ERBB3: variants seen among roughly 807,000 people sequenced by gnomAD.
ERBB3 encodes the protein erb-b2 receptor tyrosine kinase 3.
ERBB3 carries 96 observed loss-of-function variants against 156.7 expected under a neutral mutation model. That is an observed-to-expected ratio of 0.61 (90% CI 0.52 to 0.73). The LOEUF (loss-of-function observed/expected upper bound fraction) is 0.73, where lower values mean the gene tolerates loss of function less well. Ranked by LOEUF, ERBB3 falls within the 30% of genes least tolerant of loss-of-function variation. The pLI, the probability that ERBB3 is intolerant of heterozygous loss-of-function variation, is 0.00. For synonymous variants in ERBB3, 567 were observed against 632.0 expected (o/e 0.90, Z 1.54); for missense variants, 1,406 against 1,709.4 (o/e 0.82, Z 3.13).
At position 56,098,611 on chromosome 12, in the gene ERBB3, G is replaced by A. The variant is rs564333686; in HGVS notation, c.2692+36G>A. ...CTGGATGCCCTCTCTACCATCACTG[G>A]CCCCAGTTTCAAATTTACCTTTTGA... On this transcript the variant is annotated intron_variant, in intron 22 of 27. Transcript: ENST00000267101. 4.4e-6 allele frequency: 7 copies of A among 1,595,634 alleles called. No homozygotes were observed. In the East Asian group the frequency reaches 8.9e-5, roughly 20 times the overall value.
In ERBB3 at chr12:56,094,157, C is replaced by A; in HGVS notation, c.1672C>A (p.Pro558Thr). 6.2e-7 allele frequency: 1 copy of A among 1,614,108 alleles called. No individual in the cohort carries two copies. The highest frequency in any genetic ancestry group is 1.1e-5 in the South Asian group (1 of 91,078). ...ECFSCHPECQ[P>T]MEGTATCNGS... ...CTTCTCCTGCCACCCGGAATGCCAA[C>A]CCATGGAGGGCACTGCCACATGCAA... The change falls in exon 14 of 28, where the codon CCC becomes ACC. Residue 558 changes from proline (P) to threonine (T), a missense_variant. Physicochemically the swap from Pro to Thr is conservative, Grantham distance 38. Transcript: ENST00000267101.
In ERBB3 at chr12:56,101,551, C is replaced by T; in HGVS notation, c.3525C>T (p.Gly1175=). 1 of 1,614,040 alleles carries T rather than the reference C, an allele frequency of 6.2e-7. No individual in the cohort carries two copies. The change falls in exon 28 of 28, where the codon GGC becomes GGT. Residue 1175 remains glycine, a synonymous_variant. Coordinates refer to ENST00000267101, the MANE Select transcript of ERBB3 (RefSeq NM_001982.4). ...CAGGTACTCCCTCCTCCCGGGAAGG[C>T]ACCCTTTCTTCAGTGGGTCTCAGTT... ...HLKGTPSSRE[G]TLSSVGLSSV...
Position 56,085,040 on chromosome 12 carries a change from T to G in ERBB3, c.280T>G (p.Phe94Val), listed in dbSNP as rs769634421. The G allele has an allele frequency of 2.5e-6, 4 of 1,613,992 alleles. No homozygotes were observed. The highest frequency in any genetic ancestry group is 3.4e-6 in the Non-Finnish European group (4 of 1,180,010). The change falls in exon 3 of 28, where the codon TTC becomes GTC. Residue 94 changes from phenylalanine to valine, a missense_variant. Around this residue, in one of 3 missense-constraint regions of ERBB3, gnomAD observed 979 missense variants for 1,219.6 expected, o/e 0.80. Coordinates refer to ENST00000267101, the MANE Select transcript of ERBB3 (RefSeq NM_001982.4). ...TGYVLVAMNE[F>V]STLPLPNLRV... is the part of the protein sequence containing the mutation. ...CTATGTCCTCGTGGCCATGAATGAA[T>G]TCTCTACTCTACCATTGCCCAACCT...
Position 56,102,034 on chromosome 12 carries a change from G to C in ERBB3, c.4008G>C (p.Lys1336Asn). 1 of 1,610,892 alleles carries C rather than the reference G, an allele frequency of 6.2e-7. No individual in the cohort carries two copies. The highest frequency in any genetic ancestry group is 8.5e-7 in the Non-Finnish European group (1 of 1,179,952). ...PDYWHSRLFP[K>N]ANAQRT Reference sequence around the variant, plus strand: ...ACTGGCATAGCAGGCTTTTCCCCAAGGCTAATGCCCAGAGAACGTAACTCC... The same window carrying C: ...ACTGGCATAGCAGGCTTTTCCCCAACGCTAATGCCCAGAGAACGTAACTCC... The change falls in exon 28 of 28, where the codon AAG becomes AAC. Residue 1336 changes from lysine to asparagine, a missense_variant. Transcript: ENST00000267101.
intron 4 of ERBB3, among the ~76,000 whole-genome samples, chr12:56,087,273 T>C (rs1323774890): frequency 6.6e-6 from 1 of 152,216 alleles, no homozygotes; most frequent in Non-Finnish European, 1.5e-5. Flanking sequence ...CATGCATATA[T>C]TCCTGCATAT....
At chr12:56,098,728 C>A (rs1297020828) in intron 22 of ERBB3, 31 bp from the exon 23 acceptor site, 1 of 1,613,620 alleles carries the variant, frequency 6.2e-7, no homozygotes, top group Non-Finnish European at 8.5e-7. Context: ...TACTATTTTG[C>A]CAGTGACTAG....
intron 1 of ERBB3, chr12:56,083,381 G>C (rs1868379628): frequency 5.6e-6 from 2 of 356,358 alleles, no homozygotes; most frequent in East Asian, 7.1e-5. Context: ...CTAGTTGGAG[G>C]GGGAGAGGAG....
Position 56,080,359 on chromosome 12 carries a change from C to A in ERBB3, c.59C>A (p.Ser20Tyr), listed in dbSNP as rs34379766. 2.5e-6 allele frequency: 4 copies of A among 1,594,296 alleles called. No homozygotes were observed. The highest frequency in any genetic ancestry group is 3.4e-6 in the Non-Finnish European group (4 of 1,169,850). ...LGLLFSLARG[S>Y]EVGNSQAVCP... ...TTGCTTTTCAGCCTGGCCCGGGGCT[C>A]CGAGGTGGGCAACTCTCAGGCAGGT... The change falls in exon 1 of 28, where the codon TCC becomes TAC. Residue 20 changes from serine to tyrosine, a missense_variant. Ser to Tyr is a moderately radical substitution (Grantham distance 144). This residue lies in a region of ERBB3 where 979 missense variants were observed against 1,219.6 expected (regional missense o/e 0.80). Coordinates refer to ENST00000267101, the MANE Select transcript of ERBB3 (RefSeq NM_001982.4).
At chr12:56,095,366 G>A (rs1381635363) in intron 16 of ERBB3, 56 bp downstream of exon 16, 13 of 1,433,206 alleles carry the variant, frequency 9.1e-6, no homozygotes, top group East Asian at 2.3e-5. Flanking sequence ...TGGGAGAGAG[G>A]TGGTTACCTG....
chr12:56,084,867 A>G, intron 2 of ERBB3, 128 bp from the exon 3 acceptor site: 1 of 1,483,268 alleles, frequency 6.7e-7, no homozygotes, highest in Non-Finnish European at 9.1e-7. Context: ...AAAAAAAGAA[A>G]AAAAGAAAGG....
chr12:56,091,532 T>C (rs985544440), intron 9 of ERBB3, among the ~76,000 whole-genome samples: 5 of 150,496 alleles, frequency 3.3e-5, no homozygotes, highest in African/African-American at 1.2e-4. Flanking sequence ...GAGACAGGGT[T>C]GCACCATGTT....
chr12:56,092,858 G>A, intron 10 of ERBB3, 38 bp downstream of exon 10: 1 of 1,584,912 alleles, frequency 6.3e-7, no homozygotes, highest in Non-Finnish European at 8.7e-7. Context: ...AGAAGAATAG[G>A]TGAACCACTG....
In ERBB3 at chr12:56,093,482, C is replaced by T. The variant is rs1868783474; in HGVS notation, c.1412C>T (p.Thr471Ile). ...QLCYHHSLNW[T>I]KVLRGPTEER... Reference sequence around the variant, plus strand: ...TGCTACCACCACTCTTTGAACTGGACCAAGGTGCTTCGGGGGCCTACGGAA... The same window carrying T: ...TGCTACCACCACTCTTTGAACTGGATCAAGGTGCTTCGGGGGCCTACGGAA... The change falls in exon 12 of 28, where the codon ACC becomes ATC. Residue 471 changes from threonine (T) to isoleucine (I), a missense_variant. Coordinates refer to ENST00000267101, the MANE Select transcript of ERBB3 (RefSeq NM_001982.4). 3 of 1,613,946 alleles carry T rather than the reference C, an allele frequency of 1.9e-6. No homozygotes were observed. The highest frequency in any genetic ancestry group is 2.5e-6 in the Non-Finnish European group (3 of 1,179,968).
chr12:56,089,455 A>G (rs1202079545), intron 9 of ERBB3, among the ~76,000 whole-genome samples: 1 of 152,156 alleles, frequency 6.6e-6, no homozygotes, highest in East Asian at 1.9e-4. Context: ...TTGGATAAAA[A>G]TCTGTCTCCA....
chr12:56,084,881 GA>G (rs1436763831), intron 2 of ERBB3, 113 bp from the exon 3 acceptor site: 26 of 1,526,696 alleles, frequency 1.7e-5, no homozygotes, highest in Non-Finnish European at 2.3e-5. Flanking sequence ...AGAAAGGAAA[GA>G]AAGAAGGAAG....
chr12:56,098,572 T>C lies in ERBB3; in HGVS notation c.2689T>C (p.Tyr897His). 1.2e-6 allele frequency: 2 copies of C among 1,613,228 alleles called. No individual in the cohort carries two copies. Among genetic ancestry groups the C allele is most frequent in the Non-Finnish European group, 1.7e-6 (2 of 1,179,102 alleles). ...CACACACCAGAGTGATGTCTGGAGC[T>C]ATGGTCAGTGCATCTGGATGCCCTC... ...KYTHQSDVWS[Y>H]GVTVWELMTF... The change falls in exon 22 of 28, where the codon TAT (tyrosine) becomes CAT (histidine). Residue 897 changes from tyrosine (Y) to histidine (H), a missense_variant. Coordinates refer to ENST00000267101, the MANE Select transcript of ERBB3 (RefSeq NM_001982.4).
At position 56,094,568 on chromosome 12, in the gene ERBB3, GATA is replaced by G. The variant is rs1397655401; in HGVS notation, c.1859+17_1859+19del. The G allele has an allele frequency of 2.5e-6, 4 of 1,613,442 alleles. No homozygotes were observed. The highest frequency in any genetic ancestry group is 8.5e-7 in the Non-Finnish European group (1 of 1,179,952). ...AACTGCACCCAGGGGTCAGTGATGG[GATA>G]ATAAGGAGAGGGGGTCAGGTGGAAG... On this transcript the variant is annotated intron_variant, in intron 15 of 27. Transcript: ENST00000267101.
At chr12:56,101,415 G>A (rs1869099354) in intron 27 of ERBB3, 54 bp downstream of exon 27, 2 of 1,604,484 alleles carry the variant, frequency 1.2e-6, no homozygotes, top group South Asian at 1.1e-5. Flanking sequence ...TCTTTCCCCG[G>A]GCTCCTCTTT....
chr12:56,103,001 T>G lies in ERBB3; in HGVS notation c.*946T>G, dbSNP rs1403012570. 1 of 227,724 alleles carries G rather than the reference T, an allele frequency of 4.4e-6. No individual in the cohort carries two copies. The highest frequency in any genetic ancestry group is 8.7e-6 in the Non-Finnish European group (1 of 115,222). The allele number at this position is 227,724 out of a possible 1,614,324, so 14.1% of individuals were successfully genotyped here. On this transcript the variant is annotated 3_prime_UTR_variant, in exon 28 of 28. Transcript: ENST00000267101. ...AAAAAGAAACTGAGCCTTAAAGAGA[T>G]GAAATAAATTAAGCAGTAGATCCAG... is the stretch of plus-strand genomic sequence containing the variant.
Sources: allele counts gnomAD v4.1 joint callset (sites outside exome capture counted in the v4.1 genomes callset), GRCh38; gene constraint gnomAD v4.1.1; regional missense constraint gnomAD v4.1.1; transcripts MANE v1.5; gene names NCBI Gene and HGNC (gene_info 2026-07-23, HGNC 2026-07-21).